The following ADAMTS16 variants were observed in gnomAD, a reference collection of about 807,000 sequenced individuals.
ADAMTS16 encodes the protein ADAM metallopeptidase with thrombospondin type 1 motif 16, also known as A disintegrin and metalloproteinase with thrombospondin motifs 16.
Under a neutral mutation model 145.8 loss-of-function variants are expected in ADAMTS16, and 94 were observed. The ratio of observed to expected loss-of-function variants is 0.64; its 90% CI spans 0.55 to 0.77. ADAMTS16 has a LOEUF of 0.77. Ranked by LOEUF, ADAMTS16 falls within the 30% of genes least tolerant of loss-of-function variation. ADAMTS16 has a pLI of 0.00. For missense variants in ADAMTS16, 1,585 were observed against 1,591.5 expected, an observed-to-expected ratio of 1.00 and a Z score of 0.07; for synonymous variants, 659 against 604.3, an observed-to-expected ratio of 1.09 and a Z score of -1.33.
chr5:5,239,887 A>C lies in ADAMTS16; in HGVS notation c.2485A>C (p.Ile829Leu). 6.2e-7 allele frequency: 1 copy of C among 1,614,130 alleles called. No homozygotes were observed. The highest frequency in any genetic ancestry group is 1.1e-5 in the South Asian group (1 of 91,068). Residue 829 changes from isoleucine (I) to leucine (L), a missense_variant, in exon 16 of 23, where the codon ATC becomes CTC. By Grantham distance (5) the Ile-to-Leu change is conservative. Transcript: ENST00000274181. ...GTCCTATAATGAGCCCGAGAACTTA[A>C]TCGCTACTGGACCAACCAACGAGAC... ...RRSYNEPENL[I>L]ATGPTNETLI...
chr5:5,291,889 A>T (rs562119386), intron 18 of ADAMTS16, among the ~76,000 whole-genome samples: 2 of 152,354 alleles, frequency 1.3e-5, no homozygotes, highest in East Asian at 3.9e-4. Context: ...TACTATATTT[A>T]GGAAATAACA....
At chr5:5,252,834 C>G (rs2126412451) in intron 17 of ADAMTS16, among the ~76,000 whole-genome samples, 1 of 152,298 alleles carries the variant, frequency 6.6e-6, no homozygotes, top group East Asian at 1.9e-4. Flanking sequence ...AGCTTGCTCC[C>G]ACCACCTTCT....
At chr5:5,186,982 T>A (rs1579296962) in intron 5 of ADAMTS16, among the ~76,000 whole-genome samples, 1 of 152,192 alleles carries the variant, frequency 6.6e-6, no homozygotes, top group Admixed American at 6.5e-5. Context: ...CTATGGCTAG[T>A]GTTATTTTTG....
intron 7 of ADAMTS16, among the ~76,000 whole-genome samples, chr5:5,190,523 C>T (rs1357841265): frequency 1.3e-5 from 2 of 151,620 alleles, no homozygotes; most frequent in African/African-American, 4.8e-5. Context: ...TGTTTTTTCC[C>T]TTCTCTCTCT....
At chr5:5,318,986 C>A in intron 22 of ADAMTS16, 37 bp from the exon 23 acceptor site, 1 of 1,478,564 alleles carries the variant, frequency 6.8e-7, no homozygotes, top group South Asian at 1.2e-5. Flanking sequence ...TCGCTGCACT[C>A]GGGATCGCTG....
rs192038749 is a variant in ADAMTS16, at chr5:5,313,188, G to A, written c.3412-4946G>A. On this transcript the variant is annotated intron_variant, in intron 21 of 22. Transcript: ENST00000274181. ...TGTTCTGAGGTTGTAACTTTTCCTG[G>A]GGGTGGTAATGGCTGAAAGGGCTGT... Among the ~76,000 whole-genome samples, 536 of 152,226 alleles carry A rather than the reference G, an allele frequency of 3.5e-3. 4 individuals are homozygous for A. The highest frequency in any genetic ancestry group is 0.011 in the African/African-American group (457 of 41,520).
rs1049282397 is a variant in ADAMTS16 at position 5,310,719 on chromosome 5, C to T, written c.3411+3991C>T. Among the ~76,000 whole-genome samples the T allele has an allele frequency of 1.3e-5, 2 of 152,336 alleles. No individual in the cohort carries two copies. Among genetic ancestry groups the T allele is most frequent in the Middle Eastern group, 3.4e-3 (1 of 294 alleles). The stretch of plus-strand genomic sequence containing the variant: ...CCCTCCCTCAACCTCCAGAAGGCAC[C>T]ACCTCTGCTGCTCATACCTTAATTT... On this transcript the variant is annotated intron_variant, in intron 21 of 22. Coordinates refer to ENST00000274181, the MANE Select transcript of ADAMTS16 (RefSeq NM_139056.4). This position sits in a 1 kb window ranked among gnomAD's most constrained non-coding sequence, Gnocchi z 4.3.
chr5:5,179,767 G>A (rs1419464197), intron 3 of ADAMTS16, among the ~76,000 whole-genome samples: 2 of 152,092 alleles, frequency 1.3e-5, no homozygotes, highest in Non-Finnish European at 2.9e-5. Context: ...CTTTCCCATG[G>A]CTGTGTGGTA....
chr5:5,273,212 G>C (rs1738547057), intron 18 of ADAMTS16, among the ~76,000 whole-genome samples: 1 of 152,190 alleles, frequency 6.6e-6, no homozygotes, highest in Admixed American at 6.5e-5. Flanking sequence ...AGGGAAACCA[G>C]AAGTGCTATG....
At chr5:5,180,115 G>T (rs551609404) in intron 3 of ADAMTS16, among the ~76,000 whole-genome samples, 1 of 152,014 alleles carries the variant, frequency 6.6e-6, no homozygotes, top group Non-Finnish European at 1.5e-5. Context: ...AACTCTCCCC[G>T]CAACTCCCAA....
chr5:5,146,230 C>T lies in ADAMTS16; in HGVS notation c.276C>T (p.Ser92=), dbSNP rs1258075314. 1.2e-6 allele frequency: 2 copies of T among 1,614,096 alleles called. No individual in the cohort carries two copies. Among genetic ancestry groups the T allele is most frequent in the African/African-American group, 1.3e-5 (1 of 74,994 alleles). ...HQRRRRAVPV[S]EVESLHLRLK... ...GGCGGAGAAGAGCAGTGCCCGTGTC[C>T]GAGGTTGAGTCTCTTCACCTTCGGC... The change falls in exon 3 of 23, where the codon TCC becomes TCT. Residue 92 remains serine (S), a synonymous_variant. Coordinates refer to ENST00000274181, the MANE Select transcript of ADAMTS16 (RefSeq NM_139056.4).
intron 3 of ADAMTS16, among the ~76,000 whole-genome samples, chr5:5,173,991 A>G (rs1269781351): frequency 2.0e-5 from 3 of 152,208 alleles, no homozygotes; most frequent in Non-Finnish European, 4.4e-5. Context: ...AAACGTAATT[A>G]CAGTATTATA....
At chr5:5,216,171 G>A (rs376306595) in intron 10 of ADAMTS16, among the ~76,000 whole-genome samples, 7 of 151,784 alleles carry the variant, frequency 4.6e-5, no homozygotes, top group Admixed American at 2.6e-4. Flanking sequence ...GTGTAGAAGC[G>A]TTCCCTGTTT....
intron 20 of ADAMTS16, among the ~76,000 whole-genome samples, chr5:5,305,747 C>T (rs563720905): frequency 2.0e-5 from 3 of 152,184 alleles, no homozygotes; most frequent in Non-Finnish European, 4.4e-5. Flanking sequence ...ACACTTCAGC[C>T]AGAGGTCCAC....
intron 18 of ADAMTS16, among the ~76,000 whole-genome samples, chr5:5,292,698 C>T (rs1052510855): frequency 6.6e-6 from 1 of 152,018 alleles, no homozygotes; most frequent in Non-Finnish European, 1.5e-5. Flanking sequence ...TCTTCACGGG[C>T]CCTGTCCTAA....
chr5:5,234,871 A>G (rs74948120), intron 12 of ADAMTS16, 143 bp from the exon 13 acceptor site: 1,385 of 122,332 alleles, frequency 0.011, 10 homozygotes, highest in South Asian at 0.014. Flanking sequence ...CTCCATCTCA[A>G]AAAAAAAAAA....
At chr5:5,300,742 C>A (rs911357473) in intron 18 of ADAMTS16, among the ~76,000 whole-genome samples, 1 of 152,192 alleles carries the variant, frequency 6.6e-6, no homozygotes, top group Admixed American at 6.5e-5. Context: ...CCACCTAATT[C>A]ATCCTCAGGA....
rs886648012 is a variant in ADAMTS16, at chr5:5,317,951, G to A, written c.3412-183G>A. Reference sequence around the variant, plus strand: ...CCTGGTGCTTGCTTCTGGAAAAGGTGAGCAGGGACCGTGCTCACTCGCGCA... The same window carrying A: ...CCTGGTGCTTGCTTCTGGAAAAGGTAAGCAGGGACCGTGCTCACTCGCGCA... On this transcript the variant is annotated intron_variant, in intron 21 of 22. Coordinates refer to ENST00000274181, the MANE Select transcript of ADAMTS16 (RefSeq NM_139056.4). The surrounding 1 kb of genome is among the most constrained non-coding windows in gnomAD (Gnocchi z 4.5). Among the ~76,000 whole-genome samples the A allele has an allele frequency of 7.9e-5, 12 of 152,236 alleles. No homozygotes were observed. Among genetic ancestry groups the A allele is most frequent in the African/African-American group, 2.9e-4 (12 of 41,470 alleles).
chr5:5,164,474 T>A lies in ADAMTS16; in HGVS notation c.502-17570T>A, dbSNP rs141458407. ...TTTTGTAAGGAATCTAGCCCTTCAG[T>A]CAGCCTTCTGAGTCTTTGTGCTGCA... is the stretch of plus-strand genomic sequence containing the variant. On this transcript the variant is annotated intron_variant, in intron 3 of 22. Transcript: ENST00000274181. Among the ~76,000 whole-genome samples, 1,009 of 152,340 alleles carry A rather than the reference T, an allele frequency of 6.6e-3. 7 individuals carry two copies. The highest frequency in any genetic ancestry group is 0.018 in the African/African-American group (734 of 41,586).
Sources: gnomAD v4.1 joint callset for allele counts (sites outside exome capture counted in the v4.1 genomes callset) on GRCh38, gnomAD v4.1.1 for gene constraint, Gnocchi (gnomAD v3.1) non-coding constraint, MANE v1.5 for transcripts, NCBI Gene and HGNC (gene_info 2026-07-23, HGNC 2026-07-21) for gene names.